Variants in TLK1 observed in about 807,000 individuals in gnomAD.
TLK1 encodes serine/threonine-protein kinase tousled-like 1.
Under a neutral mutation model 105.3 loss-of-function variants are expected in TLK1, and 24 were observed. That is an observed-to-expected ratio of 0.23 (90% CI 0.17 to 0.32). The LOEUF is 0.32. TLK1 is among the 10% of genes least tolerant of loss of function. The pLI is 1.00. For synonymous variants in TLK1, 321 were observed against 310.4 expected, an observed-to-expected ratio of 1.03 and a Z score of -0.36; for missense variants, 558 against 910.5, an observed-to-expected ratio of 0.61 and a Z score of 4.98.
chr2:171,139,114 G>C (rs1367471184), intron 1 of TLK1, among the ~76,000 whole-genome samples: 1 of 152,092 alleles, frequency 6.6e-6, no homozygotes, highest in Non-Finnish European at 1.5e-5. Flanking sequence ...ACAGGACAAA[G>C]AATTGAGTAC....
At chr2:171,169,828 G>T (rs780389030) in intron 1 of TLK1, among the ~76,000 whole-genome samples, 1 of 152,142 alleles carries the variant, frequency 6.6e-6, no homozygotes, top group Admixed American at 6.5e-5. Flanking sequence ...CTTCTTTTCC[G>T]CAGATAGTTA....
intron 1 of TLK1, among the ~76,000 whole-genome samples, chr2:171,227,512 C>CA (rs1693919696): frequency 6.8e-6 from 1 of 147,156 alleles, no homozygotes; most frequent in Admixed American, 6.8e-5. Context: ...ATCTGGGAGT[C>CA]ACGATACCCC....
At chr2:171,146,621 T>C (rs975153709) in intron 1 of TLK1, among the ~76,000 whole-genome samples, 1 of 152,190 alleles carries the variant, frequency 6.6e-6, no homozygotes, top group Non-Finnish European at 1.5e-5. Flanking sequence ...AAAATTGGCT[T>C]TGGGCTCTTG....
At chr2:171,098,658 TA>T (rs1274129603) in intron 2 of TLK1, among the ~76,000 whole-genome samples, 1 of 152,096 alleles carries the variant, frequency 6.6e-6, no homozygotes, top group East Asian at 1.9e-4. Flanking sequence ...TGAAACCAGA[TA>T]AAAACATCAC....
At chr2:171,036,213 G>C (rs1284165484) in intron 11 of TLK1, among the ~76,000 whole-genome samples, 3 of 152,228 alleles carry the variant, frequency 2.0e-5, no homozygotes, top group Non-Finnish European at 4.4e-5. Context: ...GGGAGGCCAA[G>C]GCGGGTGAAC....
At position 171,053,863 on chromosome 2, in the gene TLK1, A is replaced by G; in HGVS notation, c.640-10T>C. ...GCATTGTGAGATCAGTCTAAATGAA[A>G]AAAAGTTATTTTATTATCTCCATTA... On this transcript the variant is annotated splice_polypyrimidine_tract_variant and intron_variant, in intron 7 of 20. Coordinates refer to ENST00000431350, the MANE Select transcript of TLK1 (RefSeq NM_012290.5). 6.4e-7 allele frequency: 1 copy of G among 1,570,116 alleles called. No homozygotes were observed. Among genetic ancestry groups the G allele is most frequent in the Non-Finnish European group, 8.6e-7 (1 of 1,160,850 alleles).
intron 8 of TLK1, 130 bp from the exon 9 acceptor site, chr2:171,050,304 GAAAA>G (rs72027962): frequency 0.015 from 6,057 of 417,062 alleles, 188 homozygotes; most frequent in African/African-American, 0.094. Context: ...TATGATACGA[GAAAA>G]AAAAAAAGCC....
chr2:171,003,751 G>C (rs536057914), intron 18 of TLK1, among the ~76,000 whole-genome samples: 1 of 152,278 alleles, frequency 6.6e-6, no homozygotes, highest in East Asian at 1.9e-4. Flanking sequence ...ATTTTATGAA[G>C]TTATTATTTA....
In TLK1 at chr2:171,058,131, A is replaced by G; in HGVS notation, c.453+20T>C. 1 of 1,612,854 alleles carries G rather than the reference A, an allele frequency of 6.2e-7. No individual in the cohort carries two copies. The highest frequency in any genetic ancestry group is 1.1e-5 in the South Asian group (1 of 91,042). On this transcript the variant is annotated intron_variant, in intron 5 of 20. Coordinates refer to ENST00000431350, the MANE Select transcript of TLK1 (RefSeq NM_012290.5). ...AATAGTACTGAATTAGGAAATGGAG[A>G]CAATCCTCAATGAACTTACTTCAAA...
At position 171,037,597 on chromosome 2, in the gene TLK1, T is replaced by C. The variant is rs916081084; in HGVS notation, c.1169+8577A>G. 1.2e-4 allele frequency among the ~76,000 whole-genome samples: 18 copies of C among 151,948 alleles called. 1 individual carries two copies. On this transcript the variant is annotated intron_variant, in intron 11 of 20. Coordinates refer to ENST00000431350, the MANE Select transcript of TLK1 (RefSeq NM_012290.5). ...AGATCAATGTTGAATTTTATCTAAT[T>C]TTTTAAAATTTTTCGTATCTATTAA...
chr2:171,028,451 AGTTT>A (rs746908395), intron 11 of TLK1, 46 bp from the exon 12 acceptor site: 1 of 1,273,094 alleles, frequency 7.9e-7, no homozygotes. Flanking sequence ...ATTAATACTT[AGTTT>A]ATTAACAACT....
chr2:171,148,238 A>G (rs566734949), intron 1 of TLK1, among the ~76,000 whole-genome samples: 1 of 152,258 alleles, frequency 6.6e-6, no homozygotes, highest in South Asian at 2.1e-4. Flanking sequence ...AAAGGGGCCT[A>G]TATTGTGTTT....
At chr2:171,063,415 CTAACT>C (rs1424476457) in intron 3 of TLK1, among the ~76,000 whole-genome samples, 4 of 152,038 alleles carry the variant, frequency 2.6e-5, no homozygotes, top group African/African-American at 9.7e-5. Flanking sequence ...CATATCCTTC[CTAACT>C]TAATTTATAT....
intron 8 of TLK1, among the ~76,000 whole-genome samples, chr2:171,051,711 T>C (rs1687248956): frequency 6.6e-6 from 1 of 152,132 alleles, no homozygotes. Flanking sequence ...AAACAACTGA[T>C]AAAAATTGTT....
intron 2 of TLK1, among the ~76,000 whole-genome samples, chr2:171,088,143 C>T: frequency 6.6e-6 from 1 of 151,902 alleles, no homozygotes; most frequent in East Asian, 1.9e-4. Flanking sequence ...CCAGCCTGGG[C>T]AACATGGTGA....
chr2:171,201,264 G>T (rs1693393290), intron 1 of TLK1, among the ~76,000 whole-genome samples: 1 of 152,074 alleles, frequency 6.6e-6, no homozygotes, highest in African/African-American at 2.4e-5. Context: ...GTATGTTTGA[G>T]ATTAATTTTA....
At chr2:171,045,937 G>A (rs954761678) in intron 11 of TLK1, 3 of 376,540 alleles carry the variant, frequency 8.0e-6, no homozygotes, top group African/African-American at 4.2e-5. Context: ...GTGAATTCTG[G>A]TAACCTCTTA....
At chr2:171,135,454 G>A (rs1422371601) in intron 1 of TLK1, among the ~76,000 whole-genome samples, 1 of 151,864 alleles carries the variant, frequency 6.6e-6, no homozygotes, top group Non-Finnish European at 1.5e-5. Context: ...GATCATTTGA[G>A]CTCAGGAGTT....
At chr2:171,059,863 C>T in intron 4 of TLK1, 1 of 871,518 alleles carries the variant, frequency 1.1e-6, no homozygotes, top group Non-Finnish European at 2.0e-6. Context: ...GAATCTAACG[C>T]TGCCGCTGAT....
Sources: gnomAD v4.1 joint callset for allele counts (sites outside exome capture counted in the v4.1 genomes callset) on GRCh38, gnomAD v4.1.1 for gene constraint, MANE v1.5 for transcripts, NCBI Gene and HGNC (gene_info 2026-07-23, HGNC 2026-07-21) for gene names.